ZNF106: variants seen among roughly 807,000 people sequenced by gnomAD.
ZNF106 encodes zinc finger protein 106, also known as SH3-domain binding protein 3.
ZNF106 carries 67 observed loss-of-function variants against 195.1 expected under a neutral mutation model. The observed-to-expected ratio is 0.34, with a 90% CI of 0.28 to 0.42. The LOEUF is 0.42. ZNF106 is among the 10% of genes least tolerant of loss of function. The probability of loss-of-function intolerance (pLI) is 1.00; values close to 1 mark genes in which losing one functional copy is unlikely to be tolerated. For synonymous variants in ZNF106, 784 were observed against 818.6 expected (o/e 0.96, Z 0.72); for missense variants, 2,118 against 2,304.5 (o/e 0.92, Z 1.66).
intron 5 of ZNF106, among the ~76,000 whole-genome samples, 175 bp downstream of exon 5, chr15:42,449,596 T>C (rs1372842561): frequency 2.0e-5 from 3 of 152,244 alleles, no homozygotes; most frequent in South Asian, 2.1e-4. Context: ...GGAAATACTT[T>C]ATTCCATCTG....
intron 12 of ZNF106, among the ~76,000 whole-genome samples, chr15:42,437,734 C>T (rs1242774493): frequency 6.6e-6 from 1 of 151,682 alleles, no homozygotes; most frequent in Non-Finnish European, 1.5e-5. Context: ...TGGTGAAACC[C>T]CATCTCTACT....
At chr15:42,464,675 T>C (rs2056473386) in intron 3 of ZNF106, among the ~76,000 whole-genome samples, 2 of 151,882 alleles carry the variant, frequency 1.3e-5, no homozygotes, top group Non-Finnish European at 1.5e-5. Flanking sequence ...TACAGGCACA[T>C]ACCACTATGC....
chr15:42,439,264 T>C lies in ZNF106; in HGVS notation c.4313A>G (p.Asp1438Gly), dbSNP rs777083449. 6.2e-7 allele frequency: 1 copy of C among 1,614,172 alleles called. No homozygotes were observed. Among genetic ancestry groups the C allele is most frequent in the Non-Finnish European group, 8.5e-7 (1 of 1,180,040 alleles). Residue 1438 changes from aspartate to glycine, a missense_variant, in exon 11 of 22, where the codon GAT becomes GGT. Asp to Gly is a moderately conservative substitution (Grantham distance 94). Coordinates refer to ENST00000564754, the MANE Select transcript of ZNF106 (RefSeq NM_001366845.3). ...RTGREQESVRDEPDSDSSLEV... is the reference protein window; with the variant it reads ...RTGREQESVRGEPDSDSSLEV... ...CAGAGACGAGTCACTATCTGGCTCA[T>C]CTCTGACACTCTCCTGCTCCCGACC...
intron 10 of ZNF106, among the ~76,000 whole-genome samples, chr15:42,440,443 AC>A (rs2055454915): frequency 6.6e-6 from 1 of 152,216 alleles, no homozygotes; most frequent in Non-Finnish European, 1.5e-5. Flanking sequence ...ATATTATGCA[AC>A]TTGTAATATA....
chr15:42,472,181 ATG>A (rs1213698195), intron 2 of ZNF106, 53 bp downstream of exon 2: 2 of 1,475,694 alleles, frequency 1.4e-6, no homozygotes, highest in African/African-American at 1.4e-5. Context: ...TATTAATAAC[ATG>A]TCTCTTTAAA....
chr15:42,480,707 G>A (rs535673998), intron 1 of ZNF106, among the ~76,000 whole-genome samples: 88 of 152,234 alleles, frequency 5.8e-4, no homozygotes, highest in Admixed American at 4.1e-3. Flanking sequence ...ACCACTGGCC[G>A]GGCTTGGTGG....
intron 3 of ZNF106, among the ~76,000 whole-genome samples, chr15:42,463,975 G>C (rs1433290245): frequency 2.0e-5 from 3 of 152,058 alleles, no homozygotes; most frequent in Non-Finnish European, 4.4e-5. Flanking sequence ...ACATTAATTT[G>C]CCCACAGAAT....
At chr15:42,445,049 A>G in intron 7 of ZNF106, 68 bp from the exon 8 acceptor site, 1 of 1,546,052 alleles carries the variant, frequency 6.5e-7, no homozygotes, top group Non-Finnish European at 8.8e-7. Flanking sequence ...AGCTCAGAAG[A>G]CTAAACTATA....
chr15:42,417,350 C>G lies in ZNF106; in HGVS notation c.5675G>C (p.Gly1892Ala). ...ARKGSKQDAAGHIERHAEDDS... is the reference protein window; with the variant it reads ...ARKGSKQDAAAHIERHAEDDS... ...ATCTTCAGCATGTCGTTCAATATGTCCTGCAGCATCCTAGGAATGAAGGGA... is the reference window on the plus strand; with the variant it reads ...ATCTTCAGCATGTCGTTCAATATGTGCTGCAGCATCCTAGGAATGAAGGGA... The change falls in exon 22 of 22, where the codon GGA (glycine) becomes GCA (alanine). Residue 1892 changes from glycine (G) to alanine (A), a missense_variant. By Grantham distance (60) the Gly-to-Ala change is moderately conservative. Coordinates refer to ENST00000564754, the MANE Select transcript of ZNF106 (RefSeq NM_001366845.3). The G allele has an allele frequency of 6.2e-7, 1 of 1,613,972 alleles. No homozygotes were observed. Among genetic ancestry groups the G allele is most frequent in the Non-Finnish European group, 8.5e-7 (1 of 1,179,962 alleles).
rs1397614785 is a variant in ZNF106, at chr15:42,451,768, G to T, written c.504C>A (p.Asn168Lys). 6.2e-7 allele frequency: 1 copy of T among 1,614,086 alleles called. No individual in the cohort carries two copies. The highest frequency in any genetic ancestry group is 8.5e-7 in the Non-Finnish European group (1 of 1,180,036). ...CATTCCTCAAAGAATGTGGAAAGCTGTTTTTCCTAGTATTATTAAAGCCAT... is the reference window on the plus strand; with the variant it reads ...CATTCCTCAAAGAATGTGGAAAGCTTTTTTTCCTAGTATTATTAAAGCCAT... Reference protein sequence around the residue: ...EKDGFNNTRKNSFPHSLRNGG... With the variant: ...EKDGFNNTRKKSFPHSLRNGG... The change falls in exon 5 of 22, where the codon AAC becomes AAA. Residue 168 changes from asparagine (N) to lysine (K), a missense_variant. By Grantham distance (94) the Asn-to-Lys change is moderately conservative. Coordinates refer to ENST00000564754, the MANE Select transcript of ZNF106 (RefSeq NM_001366845.3).
chr15:42,478,591 C>G (rs573659762), intron 1 of ZNF106, among the ~76,000 whole-genome samples: 1 of 148,350 alleles, frequency 6.7e-6, no homozygotes, highest in Non-Finnish European at 1.5e-5. Context: ...TCTCAGCTCA[C>G]GGCAACCTCC....
chr15:42,419,087 G>A (rs62022301), intron 20 of ZNF106, among the ~76,000 whole-genome samples: 12,769 of 146,802 alleles, frequency 0.087, 751 homozygotes, highest in Non-Finnish European at 0.13. Context: ...AAAAAATACA[G>A]GCCGGGCGTG....
intron 17 of ZNF106, among the ~76,000 whole-genome samples, chr15:42,423,388 A>T (rs768667392): frequency 1.7e-4 from 25 of 151,134 alleles, no homozygotes; most frequent in Admixed American, 3.3e-4. Context: ...AAAAAGAAAG[A>T]AAGAAAGAAA....
At chr15:42,434,992 C>G (rs781003296) in intron 14 of ZNF106, among the ~76,000 whole-genome samples, 7 of 152,098 alleles carry the variant, frequency 4.6e-5, no homozygotes, top group Non-Finnish European at 1.0e-4. Flanking sequence ...AGGCTGGTCT[C>G]AAACTCCCAA....
chr15:42,463,541 A>G (rs1450007134), intron 3 of ZNF106, among the ~76,000 whole-genome samples: 1 of 152,176 alleles, frequency 6.6e-6, no homozygotes, highest in African/African-American at 2.4e-5. Context: ...TACAAATAAT[A>G]AAGGCCAAAT....
At position 42,444,864 on chromosome 15, in the gene ZNF106, T is replaced by A. The variant is rs144125806; in HGVS notation, c.3323A>T (p.Tyr1108Phe). The A allele has an allele frequency of 1.2e-6, 2 of 1,614,174 alleles. No individual in the cohort carries two copies. Among genetic ancestry groups the A allele is most frequent in the East Asian group, 2.2e-5 (1 of 44,874 alleles). ...CATAAGTAGCCTCTGAACTTCCACA[T>A]AAGCTGTCTGAAGGGCTGCACGGGC... ...LQARAALQTA[Y>F]VEVQRLLMLK... The change falls in exon 8 of 22, where the codon TAT (tyrosine) becomes TTT (phenylalanine). Residue 1108 changes from tyrosine (Y) to phenylalanine (F), a missense_variant. By Grantham distance (22) the Tyr-to-Phe change is conservative (BLOSUM62 3). Transcript: ENST00000564754.
At chr15:42,441,787 A>T (rs2055544852) in intron 10 of ZNF106, 2 of 237,282 alleles carry the variant, frequency 8.4e-6, no homozygotes, top group Admixed American at 5.1e-5. Flanking sequence ...ATTTCACACG[A>T]AACAAATTTT....
At chr15:42,449,253 A>G (rs962558635) in intron 5 of ZNF106, among the ~76,000 whole-genome samples, 1 of 152,248 alleles carries the variant, frequency 6.6e-6, no homozygotes, top group African/African-American at 2.4e-5. Flanking sequence ...TAGTACCTCA[A>G]CATAAGATGA....
chr15:42,420,928 G>A, intron 20 of ZNF106, 133 bp downstream of exon 20: 1 of 754,434 alleles, frequency 1.3e-6, no homozygotes, highest in East Asian at 2.5e-5. Flanking sequence ...GACAACCTGT[G>A]ATCTACAGTG....
Sources: allele counts gnomAD v4.1 joint callset (sites outside exome capture counted in the v4.1 genomes callset), GRCh38; gene constraint gnomAD v4.1.1; transcripts MANE v1.5; gene names NCBI Gene and HGNC (gene_info 2026-07-23, HGNC 2026-07-21).